ERC1: variants seen among roughly 807,000 people sequenced by gnomAD.
The protein encoded by ERC1 is ELKS/RAB6-interacting/CAST family member 1, also known as RAB6 interacting protein 2.
Under a neutral mutation model 132.0 loss-of-function variants are expected in ERC1, and 56 were observed. That is an observed-to-expected ratio of 0.42 (90% CI 0.34 to 0.53). The LOEUF is 0.53. Ranked by LOEUF, ERC1 falls within the 20% of genes least tolerant of loss-of-function variation. The pLI is 0.03. For synonymous variants in ERC1, 478 were observed against 476.1 expected (o/e 1.00, Z -0.05); for missense variants, 1,202 against 1,349.9 (o/e 0.89, Z 1.72).
chr12:1,149,215 T>C (rs903455667), intron 8 of ERC1, among the ~76,000 whole-genome samples: 1 of 152,190 alleles, frequency 6.6e-6, no homozygotes, highest in African/African-American at 2.4e-5. Flanking sequence ...GTTTTATGTA[T>C]TTTTAGGCAG....
intron 12 of ERC1, among the ~76,000 whole-genome samples, chr12:1,233,129 GGCTGTC>G (rs2075167857): frequency 6.6e-6 from 1 of 152,116 alleles, no homozygotes; most frequent in Non-Finnish European, 1.5e-5. Context: ...GAAGAGACCA[GGCTGTC>G]ACTGCCTTGA....
At chr12:1,484,297 C>T (rs574829062) in intron 18 of ERC1, among the ~76,000 whole-genome samples, 41 of 150,870 alleles carry the variant, frequency 2.7e-4, no homozygotes, top group African/African-American at 8.3e-4. Context: ...GAGCGAGACT[C>T]CGTCTCAAAA....
chr12:1,353,085 C>T (rs1023994179), intron 15 of ERC1, among the ~76,000 whole-genome samples: 4 of 145,246 alleles, frequency 2.8e-5, no homozygotes, highest in Non-Finnish European at 6.0e-5. Context: ...GGCTGGAGTG[C>T]AGTGGTGTGA....
At chr12:1,261,378 A>T (rs536470755) in intron 13 of ERC1, among the ~76,000 whole-genome samples, 2 of 152,370 alleles carry the variant, frequency 1.3e-5, no homozygotes, top group South Asian at 4.1e-4. Flanking sequence ...GCTTCTTTAT[A>T]CTTACAGCAA....
chr12:1,201,260 AATTGGTATAACTTTT>A (rs1407485021), intron 12 of ERC1, among the ~76,000 whole-genome samples: 1 of 152,172 alleles, frequency 6.6e-6, no homozygotes, highest in Non-Finnish European at 1.5e-5. Context: ...GGTATAATCT[AATTGGTATAACTTTT>A]TTTCTTTCTC....
At chr12:1,327,313 G>GT (rs757799846) in intron 15 of ERC1, among the ~76,000 whole-genome samples, 9 of 152,054 alleles carry the variant, frequency 5.9e-5, no homozygotes, top group Admixed American at 1.3e-4. Context: ...TAACAATGAA[G>GT]TTTTTTTAAC....
chr12:1,433,080 A>G (rs987740518), intron 17 of ERC1, among the ~76,000 whole-genome samples: 1 of 152,168 alleles, frequency 6.6e-6, no homozygotes, highest in African/African-American at 2.4e-5. Flanking sequence ...GTAGTACTGT[A>G]AGGTGCTGTG....
intron 14 of ERC1, among the ~76,000 whole-genome samples, chr12:1,285,775 ATCAC>A (rs2079001829): frequency 6.6e-6 from 1 of 152,216 alleles, no homozygotes; most frequent in African/African-American, 2.4e-5. Context: ...AGAGGGAACA[ATCAC>A]TCAACAACAT....
rs185394623 is a variant in ERC1, at chr12:1,440,275, G to A, written c.3025-4287G>A. On this transcript the variant is annotated intron_variant, in intron 17 of 18. Transcript: ENST00000360905. ...GCTGGAGTGCAGTGGTGCCATCTCG[G>A]CTCACTGCAAGCTCCGCCTCCTGGG... Among the ~76,000 whole-genome samples, 267 of 142,702 alleles carry A rather than the reference G, an allele frequency of 1.9e-3. 3 individuals are homozygous for A. Among genetic ancestry groups the A allele is most frequent in the African/African-American group, 6.7e-3 (244 of 36,560 alleles). 93.6% of individuals were successfully genotyped at this position (142,702 alleles called of 152,430 possible). A position where few individuals can be genotyped will look rare whatever the true frequency, so the allele number is the denominator to read the frequency against.
chr12:1,312,894 C>T (rs1206760469), intron 15 of ERC1, among the ~76,000 whole-genome samples: 1 of 152,078 alleles, frequency 6.6e-6, no homozygotes, highest in Middle Eastern at 3.2e-3. Context: ...TCATGTTATT[C>T]CTGGCAGCCA....
intron 2 of ERC1, among the ~76,000 whole-genome samples, chr12:1,051,529 CAAAAAAAAA>C (rs35353366): frequency 9.4e-5 from 12 of 127,690 alleles, no homozygotes; most frequent in Admixed American, 4.0e-4. Context: ...GTCTCTACCC[CAAAAAAAAA>C]AAAAAAAAAA....
intron 15 of ERC1, among the ~76,000 whole-genome samples, chr12:1,298,660 C>T (rs559936202): frequency 2.8e-4 from 42 of 148,454 alleles, no homozygotes; most frequent in Admixed American, 4.7e-4. Context: ...AAAGGAACAA[C>T]AAATAAAGAA....
At chr12:1,095,695 T>G (rs928326253) in intron 3 of ERC1, among the ~76,000 whole-genome samples, 1 of 152,174 alleles carries the variant, frequency 6.6e-6, no homozygotes, top group African/African-American at 2.4e-5. Context: ...GTACTTCTAT[T>G]TCCAGTCTTC....
chr12:1,397,494 G>A (rs1049428473), intron 16 of ERC1, among the ~76,000 whole-genome samples: 1 of 152,174 alleles, frequency 6.6e-6, no homozygotes, highest in Non-Finnish European at 1.5e-5. Flanking sequence ...GGATGAGAAA[G>A]ATCTCTATTG....
At chr12:1,327,090 T>C (rs899148666) in intron 15 of ERC1, among the ~76,000 whole-genome samples, 3 of 152,202 alleles carry the variant, frequency 2.0e-5, no homozygotes, top group Non-Finnish European at 4.4e-5. Context: ...CAATTTAACA[T>C]TATTTCATCT....
chr12:1,376,308 AT>A (rs772733238), intron 16 of ERC1, among the ~76,000 whole-genome samples: 1 of 152,234 alleles, frequency 6.6e-6, no homozygotes, highest in African/African-American at 2.4e-5. Context: ...ACTGAAGAAC[AT>A]TTAAATGCCC....
chr12:1,169,185 G>C (rs183815440), intron 8 of ERC1, among the ~76,000 whole-genome samples: 1 of 150,694 alleles, frequency 6.6e-6, no homozygotes, highest in African/African-American at 2.4e-5. Flanking sequence ...TAGCTGTTGG[G>C]TATGGTGGAT....
rs1004347775 is a variant in ERC1, at chr12:1,111,024, A to G, written c.1317+677A>G. ...CAGCCCTAAGAGGCTTTTTAATGAAATGGGTGAAATGAAGTTACGTTTCCC... is the reference window on the plus strand; with the variant it reads ...CAGCCCTAAGAGGCTTTTTAATGAAGTGGGTGAAATGAAGTTACGTTTCCC... On this transcript the variant is annotated intron_variant, in intron 5 of 18. Coordinates refer to ENST00000360905, the MANE Select transcript of ERC1 (RefSeq NM_178040.4). 1.1e-4 allele frequency among the ~76,000 whole-genome samples: 16 copies of G among 152,224 alleles called. No individual in the cohort carries two copies. In the East Asian group the frequency reaches 1.9e-3, roughly 18 times the overall value.
rs185157231 is a variant in ERC1, at chr12:1,092,571, C to T, written c.1086+8991C>T. Among the ~76,000 whole-genome samples the T allele has an allele frequency of 2.6e-5, 4 of 152,176 alleles. No homozygotes were observed. The East Asian group carries it at 5.8e-4, about 22-fold the overall frequency. On this transcript the variant is annotated intron_variant, in intron 3 of 18. Coordinates refer to ENST00000360905, the MANE Select transcript of ERC1 (RefSeq NM_178040.4). ...GAATCAGCATTGAAACAAAATTACC[C>T]GGTATGGAGAAAGTTATGAAAACAG...
Sources: allele counts gnomAD v4.1 joint callset (sites outside exome capture counted in the v4.1 genomes callset), GRCh38; gene constraint gnomAD v4.1.1; transcripts MANE v1.5; gene names NCBI Gene and HGNC (gene_info 2026-07-23, HGNC 2026-07-21).